The following SNX9 variants were observed in gnomAD, a reference collection of about 807,000 sequenced individuals.
The protein encoded by SNX9 is sorting nexin-9.
A neutral mutation model predicts 89.4 loss-of-function variants in SNX9; 44 were observed. The observed-to-expected ratio is 0.49, with a 90% CI of 0.39 to 0.63. The LOEUF (loss-of-function observed/expected upper bound fraction) is 0.63, where lower values mean the gene tolerates loss of function less well. SNX9 is among the 30% of genes least tolerant of loss of function. The probability of loss-of-function intolerance (pLI) is 0.00; values close to 1 mark genes in which losing one functional copy is unlikely to be tolerated. For missense variants in SNX9, 578 were observed against 736.1 expected (o/e 0.79, Z 2.49); for synonymous variants, 236 against 247.8 (o/e 0.95, Z 0.45).
intron 15 of SNX9, among the ~76,000 whole-genome samples, chr6:157,937,898 T>C (rs1208610696): frequency 2.0e-5 from 3 of 152,266 alleles, no homozygotes; most frequent in Non-Finnish European, 2.9e-5. Flanking sequence ...CTTTATAACT[T>C]AAATATCATG....
intron 1 of SNX9, among the ~76,000 whole-genome samples, chr6:157,824,912 G>A (rs1781311865): frequency 6.6e-6 from 1 of 152,154 alleles, no homozygotes; most frequent in African/African-American, 2.4e-5. Context: ...GAAATTACCA[G>A]TTACACATCC....
chr6:157,937,317 C>CAA, intron 14 of SNX9, 117 bp from the exon 15 acceptor site: 1 of 639,502 alleles, frequency 1.6e-6, no homozygotes, highest in Non-Finnish European at 2.7e-6. Context: ...GAATGCTTAA[C>CAA]ACTCAATAAT....
intron 1 of SNX9, among the ~76,000 whole-genome samples, chr6:157,844,619 A>T (rs1583195854): frequency 8.1e-6 from 1 of 122,964 alleles, no homozygotes; most frequent in South Asian, 2.5e-4. Flanking sequence ...TTTGAGACAG[A>T]GTCTCACTCT....
rs1783107781 is a variant in SNX9, at chr6:157,901,986, C to T, written c.561C>T (p.Gly187=). 2.5e-6 allele frequency: 4 copies of T among 1,613,628 alleles called. No homozygotes were observed. The highest frequency in any genetic ancestry group is 2.2e-5 in the East Asian group (1 of 44,854). The change falls in exon 6 of 18, where the codon GGC becomes GGT. Residue 187 remains glycine, a synonymous_variant. Transcript: ENST00000392185. The part of the protein sequence containing the change: ...YFKDSESADA[G]GAQRGNSRAS... ...AGGATTCAGAGTCAGCTGATGCAGGCGGCGCTCAGCGAGGAAACAGTCGTG... is the reference window on the plus strand; with the variant it reads ...AGGATTCAGAGTCAGCTGATGCAGGTGGCGCTCAGCGAGGAAACAGTCGTG...
chr6:157,844,407 G>A (rs745881832), intron 1 of SNX9, among the ~76,000 whole-genome samples: 24 of 142,794 alleles, frequency 1.7e-4, no homozygotes, highest in Non-Finnish European at 3.4e-4. Flanking sequence ...TCCTGGGTGG[G>A]GGCCACAAGA....
chr6:157,870,303 C>T lies in SNX9; in HGVS notation c.99+2670C>T, dbSNP rs938463679. 5.3e-5 allele frequency among the ~76,000 whole-genome samples: 8 copies of T among 149,940 alleles called. No individual in the cohort carries two copies. In the East Asian group the frequency reaches 1.6e-3, roughly 30 times the overall value. ...TCTCACATATGCACTCACGTGTGAG[C>T]ACGCACACACACCTACTCTCTCACC... On this transcript the variant is annotated intron_variant, in intron 2 of 17. Transcript: ENST00000392185.
intron 4 of SNX9, among the ~76,000 whole-genome samples, chr6:157,883,548 G>C (rs1782671180): frequency 6.6e-6 from 1 of 152,212 alleles, no homozygotes; most frequent in African/African-American, 2.4e-5. Context: ...CTGAATTTGA[G>C]GTTGAAGTAC....
rs1783824550 is a variant in SNX9 at position 157,932,186 on chromosome 6, G to A, written c.1289-9G>A. On this transcript the variant is annotated splice_polypyrimidine_tract_variant and intron_variant, in intron 12 of 17. Transcript: ENST00000392185. ...GAAGACTAATCGTTTATTCCTTTTT[G>A]TCTTTCAGCATTACCCAAGGAATAT... is the stretch of plus-strand genomic sequence containing the variant. 1 of 1,612,706 alleles carries A rather than the reference G, an allele frequency of 6.2e-7. No individual in the cohort carries two copies. The highest frequency in any genetic ancestry group is 8.5e-7 in the Non-Finnish European group (1 of 1,179,124).
rs574022234 is a variant in SNX9, at chr6:157,881,284, A to C, written c.300+6108A>C. Reference sequence around the variant, plus strand: ...GTTACTATTGTAATTGTTTTGAGGCACCACAATGGCGAGCTTAATTGACAT... The same window carrying C: ...GTTACTATTGTAATTGTTTTGAGGCCCCACAATGGCGAGCTTAATTGACAT... On this transcript the variant is annotated intron_variant, in intron 4 of 17. Coordinates refer to ENST00000392185, the MANE Select transcript of SNX9 (RefSeq NM_016224.5). Among the ~76,000 whole-genome samples, 5 of 152,220 alleles carry C rather than the reference A, an allele frequency of 3.3e-5. No homozygotes were observed. In the South Asian group the frequency reaches 1.0e-3, roughly 32 times the overall value.
intron 1 of SNX9, among the ~76,000 whole-genome samples, chr6:157,840,406 A>ACTTTATTT (rs1781675425): frequency 3.9e-5 from 5 of 128,924 alleles, no homozygotes; most frequent in African/African-American, 1.1e-4. Flanking sequence ...TACAAAAAAT[A>ACTTTATTT]CTTTCTTTCT....
chr6:157,881,588 A>G (rs919023273), intron 4 of SNX9, among the ~76,000 whole-genome samples: 1 of 152,194 alleles, frequency 6.6e-6, no homozygotes. Context: ...TTGTGACTGC[A>G]AAGGAAAAGT....
chr6:157,930,744 T>A (rs1484846879), intron 12 of SNX9, among the ~76,000 whole-genome samples: 1 of 152,154 alleles, frequency 6.6e-6, no homozygotes, highest in African/African-American at 2.4e-5. Context: ...GTGGAAAAAT[T>A]GTCTTCCATG....
intron 1 of SNX9, among the ~76,000 whole-genome samples, chr6:157,856,238 A>G (rs187158871): frequency 6.6e-6 from 1 of 152,268 alleles, no homozygotes; most frequent in Non-Finnish European, 1.5e-5. Context: ...TGGTTTTTTA[A>G]AAAGACATTT....
rs1374892821 is a variant in SNX9, at chr6:157,915,665, AC to A, written c.949+5641del. 5.7e-5 allele frequency among the ~76,000 whole-genome samples: 8 copies of A among 139,736 alleles called. No individual in the cohort carries two copies. In the South Asian group the frequency reaches 7.1e-4, roughly 12 times the overall value. The allele number at this position is 139,736 out of a possible 152,430, so 91.7% of individuals were successfully genotyped here. A position where few individuals can be genotyped will look rare whatever the true frequency, so the allele number is the denominator to read the frequency against. ...AATATATATATATATATACACACAC[AC>A]ACACAAAAATTAGCCAGGCGTGGTG... On this transcript the variant is annotated intron_variant, in intron 9 of 17. Transcript: ENST00000392185.
intron 6 of SNX9, among the ~76,000 whole-genome samples, 179 bp downstream of exon 6, chr6:157,902,224 AG>A (rs1272096111): frequency 6.6e-6 from 1 of 151,746 alleles, no homozygotes; most frequent in Non-Finnish European, 1.5e-5. Flanking sequence ...AAAAAAAAAA[AG>A]GATTTTTGAT....
At position 157,922,289 on chromosome 6, in the gene SNX9, T is replaced by A. The variant is rs373149887; in HGVS notation, c.1080+628T>A. Among the ~76,000 whole-genome samples, 79 of 152,374 alleles carry A rather than the reference T, an allele frequency of 5.2e-4. 2 individuals are homozygous for A. The South Asian group carries it at 0.016, about 32-fold the overall frequency. On this transcript the variant is annotated intron_variant, in intron 10 of 17. Coordinates refer to ENST00000392185, the MANE Select transcript of SNX9 (RefSeq NM_016224.5). ...TTTCTCTCTCAGTAAGCATTTACTG[T>A]ACTCCTTATTGTATCATTTTATTCT...
At chr6:157,852,661 C>G (rs1227984144) in intron 1 of SNX9, among the ~76,000 whole-genome samples, 1 of 152,144 alleles carries the variant, frequency 6.6e-6, no homozygotes, top group Non-Finnish European at 1.5e-5. Flanking sequence ...TCACTGCAGC[C>G]TCAACCTCCT....
intron 4 of SNX9, chr6:157,885,019 T>C (rs950609304): frequency 3.3e-5 from 5 of 152,226 alleles, no homozygotes; most frequent in African/African-American, 1.2e-4. Context: ...GCCATCCTAT[T>C]CTGTACTCAA....
intron 1 of SNX9, among the ~76,000 whole-genome samples, chr6:157,842,817 G>A (rs1250241681): frequency 1.3e-5 from 2 of 152,106 alleles, no homozygotes; most frequent in African/African-American, 2.4e-5. Context: ...AGCAATTTGG[G>A]GAGGTTCAGA....
Sources: gnomAD v4.1 joint callset for allele counts (sites outside exome capture counted in the v4.1 genomes callset) on GRCh38, gnomAD v4.1.1 for gene constraint, MANE v1.5 for transcripts, NCBI Gene and HGNC (gene_info 2026-07-23, HGNC 2026-07-21) for gene names.